The following CCDC30 variants were observed in gnomAD, a reference collection of about 807,000 sequenced individuals.
CCDC30 encodes coiled-coil domain-containing protein 30.
Under a neutral mutation model 100.2 loss-of-function variants are expected in CCDC30, and 70 were observed. The ratio of observed to expected loss-of-function variants is 0.70; its 90% CI spans 0.58 to 0.85. The LOEUF (loss-of-function observed/expected upper bound fraction) is 0.85. CCDC30 is among the 40% of genes least tolerant of loss of function. The pLI is 0.00. For synonymous variants in CCDC30, 233 were observed against 269.5 expected, an observed-to-expected ratio of 0.86 and a Z score of 1.33; for missense variants, 652 against 771.2, an observed-to-expected ratio of 0.85 and a Z score of 1.83.
At chr1:42,489,336 C>G (rs961171131) in intron 3 of CCDC30, among the ~76,000 whole-genome samples, 9 of 152,130 alleles carry the variant, frequency 5.9e-5, no homozygotes, top group African/African-American at 1.9e-4. Flanking sequence ...ATATATCTGG[C>G]ACTGGTAGTT....
chr1:42,585,462 T>G (rs1646049297), intron 9 of CCDC30, among the ~76,000 whole-genome samples: 1 of 152,118 alleles, frequency 6.6e-6, no homozygotes, highest in African/African-American at 2.4e-5. Flanking sequence ...TAGAGGTTTA[T>G]CTATTTTATT....
chr1:42,503,181 A>G, intron 6 of CCDC30, among the ~76,000 whole-genome samples: 1 of 152,080 alleles, frequency 6.6e-6, no homozygotes, highest in African/African-American at 2.4e-5. Context: ...AGTACACCCC[A>G]CCCTTAGTGA....
At chr1:42,500,088 A>C in intron 6 of CCDC30, 1 of 952,004 alleles carries the variant, frequency 1.1e-6, no homozygotes, top group Non-Finnish European at 1.7e-6. Context: ...GGGGCAGCAC[A>C]GTCATTTAAA....
chr1:42,621,596 C>T (rs771579979), intron 11 of CCDC30, among the ~76,000 whole-genome samples: 2 of 152,054 alleles, frequency 1.3e-5, no homozygotes, highest in East Asian at 1.9e-4. Flanking sequence ...ACTGCAAGCT[C>T]CGCCTCCCGG....
chr1:42,520,363 A>G (rs1327639203), intron 6 of CCDC30, among the ~76,000 whole-genome samples: 3 of 148,842 alleles, frequency 2.0e-5, no homozygotes, highest in Admixed American at 1.3e-4. Flanking sequence ...ACAGAGTCTC[A>G]CTCTGTTGCC....
At chr1:42,643,098 A>G (rs186335536) in intron 13 of CCDC30, among the ~76,000 whole-genome samples, 51 of 152,344 alleles carry the variant, frequency 3.3e-4, no homozygotes, top group Non-Finnish European at 6.3e-4. Context: ...TTATAATCAA[A>G]GAGAGTGGGT....
chr1:42,522,673 T>C (rs961905234), intron 6 of CCDC30, among the ~76,000 whole-genome samples: 2 of 152,302 alleles, frequency 1.3e-5, no homozygotes, highest in Middle Eastern at 3.4e-3. Flanking sequence ...AATTACATCT[T>C]TGTACAAATG....
At chr1:42,634,177 C>T (rs749520870) in intron 11 of CCDC30, among the ~76,000 whole-genome samples, 4 of 149,444 alleles carry the variant, frequency 2.7e-5, no homozygotes, top group Admixed American at 6.8e-5. Flanking sequence ...CCTCTAGTCC[C>T]AGCTACTCAG....
At chr1:42,575,897 G>A (rs977917057) in intron 7 of CCDC30, among the ~76,000 whole-genome samples, 37 of 152,126 alleles carry the variant, frequency 2.4e-4, no homozygotes, top group African/African-American at 8.9e-4. Flanking sequence ...CATACAATGA[G>A]AAGGGAAAAG....
chr1:42,566,426 A>T (rs756709405), exon 7 of CCDC30: 1 of 1,613,996 alleles, frequency 6.2e-7, no homozygotes, highest in Non-Finnish European at 8.5e-7. Context: ...CGAGGGCAGA[A>T]CTTGGACTTA....
chr1:42,642,050 C>A (rs772747425), intron 12 of CCDC30, among the ~76,000 whole-genome samples: 4 of 151,864 alleles, frequency 2.6e-5, no homozygotes, highest in Non-Finnish European at 5.9e-5. Flanking sequence ...ACGGTGAAAC[C>A]CCATCTCTAC....
intron 1 of CCDC30, among the ~76,000 whole-genome samples, chr1:42,471,858 C>G (rs902705574): frequency 1.0e-4 from 15 of 150,358 alleles, no homozygotes; most frequent in African/African-American, 3.7e-4. Flanking sequence ...ACTTAGCAAT[C>G]AAGGAGAAAA....
chr1:42,514,810 T>A (rs1476629116), intron 6 of CCDC30, among the ~76,000 whole-genome samples: 1 of 152,080 alleles, frequency 6.6e-6, no homozygotes, highest in Non-Finnish European at 1.5e-5. Flanking sequence ...CCTGCCATCA[T>A]ACCCAGCTAA....
intron 11 of CCDC30, among the ~76,000 whole-genome samples, chr1:42,622,662 A>G (rs1646862753): frequency 6.6e-6 from 1 of 151,700 alleles, no homozygotes; most frequent in Admixed American, 6.6e-5. Context: ...TATTTTTAGT[A>G]GAAATGGGGT....
At chr1:42,621,716 T>C (rs1646837825) in intron 11 of CCDC30, among the ~76,000 whole-genome samples, 1 of 152,070 alleles carries the variant, frequency 6.6e-6, no homozygotes, top group South Asian at 2.1e-4. Context: ...TTTCACTGTG[T>C]TAGCCAGGAT....
At chr1:42,507,390 A>G (rs1644410789) in intron 6 of CCDC30, among the ~76,000 whole-genome samples, 1 of 152,222 alleles carries the variant, frequency 6.6e-6, no homozygotes, top group African/African-American at 2.4e-5. Flanking sequence ...TTTATGAAAA[A>G]ATGATATAAT....
At chr1:42,618,477 C>T (rs1646769057) in intron 11 of CCDC30, among the ~76,000 whole-genome samples, 1 of 152,116 alleles carries the variant, frequency 6.6e-6, no homozygotes, top group East Asian at 1.9e-4. Context: ...CTCAGGTGAT[C>T]CACCTGCTTC....
chr1:42,549,365 C>T (rs1389438056), intron 6 of CCDC30, among the ~76,000 whole-genome samples: 3 of 152,182 alleles, frequency 2.0e-5, no homozygotes, highest in Non-Finnish European at 4.4e-5. Context: ...TTCACAATCA[C>T]ATACACAGCA....
At chr1:42,459,486 T>G (rs576723979), upstream of CCDC30, 4 of 909,048 alleles carry the variant, frequency 4.4e-6, no homozygotes, top group South Asian at 7.0e-5. Flanking sequence ...AACATTTAAC[T>G]GAAAAGTTTG....
Sources: allele counts gnomAD v4.1 joint callset (sites outside exome capture counted in the v4.1 genomes callset), GRCh38; gene constraint gnomAD v4.1.1; transcripts MANE v1.5; gene names NCBI Gene and HGNC (gene_info 2026-07-23, HGNC 2026-07-21).